CSMD3: variants seen among roughly 807,000 people sequenced by gnomAD.
The protein encoded by CSMD3 is CUB and Sushi multiple domains 3.
A neutral mutation model predicts 435.2 loss-of-function variants in CSMD3; 177 were observed. The observed-to-expected ratio is 0.41, with a 90% CI of 0.36 to 0.46. CSMD3 has a LOEUF of 0.46. Among genes scored for constraint, CSMD3 ranks in the 20% least tolerant of loss-of-function variants. The pLI is 0.34. For synonymous variants in CSMD3, 1,656 were observed against 1,520.5 expected (o/e 1.09, Z -2.07); for missense variants, 4,265 against 4,504.6 (o/e 0.95, Z 1.52).
In CSMD3 at chr8:112,451,727, G is replaced by A. The variant is rs954328661; in HGVS notation, c.5395+20864C>T. Among the ~76,000 whole-genome samples, 4 of 151,926 alleles carry A rather than the reference G, an allele frequency of 2.6e-5. No homozygotes were observed. The East Asian group carries it at 7.7e-4, about 29-fold the overall frequency. ...CTAATTTTGTACATTTAGTAGAGAC[G>A]GGTTTTCTCCACATTGGTCAGGCTG... On this transcript the variant is annotated intron_variant, in intron 32 of 70. Coordinates refer to ENST00000297405, the MANE Select transcript of CSMD3 (RefSeq NM_198123.2).
intron 27 of CSMD3, among the ~76,000 whole-genome samples, chr8:112,535,180 G>T (rs1825944467): frequency 6.6e-6 from 1 of 151,560 alleles, no homozygotes; most frequent in South Asian, 2.1e-4. Context: ...GGGCAATTAG[G>T]CAGGAGAAGG....
chr8:112,597,194 A>G (rs1231877273), intron 22 of CSMD3, among the ~76,000 whole-genome samples: 7 of 151,008 alleles, frequency 4.6e-5, no homozygotes, highest in Non-Finnish European at 7.4e-5. Context: ...TATCACCACC[A>G]ATCCCACAGA....
intron 5 of CSMD3, among the ~76,000 whole-genome samples, chr8:113,036,595 C>T (rs1469122258): frequency 6.6e-6 from 1 of 151,980 alleles, no homozygotes; most frequent in Non-Finnish European, 1.5e-5. Flanking sequence ...GATGTGGCTG[C>T]TAAATCTAGA....
intron 3 of CSMD3, among the ~76,000 whole-genome samples, chr8:113,247,448 C>T (rs542596208): frequency 4.6e-5 from 7 of 152,132 alleles, no homozygotes; most frequent in African/African-American, 1.7e-4. Context: ...TACTATAGGT[C>T]CAGAAAGTAG....
intron 22 of CSMD3, among the ~76,000 whole-genome samples, chr8:112,634,897 A>G (rs1345962088): frequency 2.0e-5 from 3 of 151,984 alleles, no homozygotes; most frequent in Non-Finnish European, 4.4e-5. Flanking sequence ...ACAGATCACT[A>G]CAAAAAAATC....
intron 31 of CSMD3, among the ~76,000 whole-genome samples, chr8:112,477,194 C>A (rs887441124): frequency 6.6e-6 from 1 of 152,078 alleles, no homozygotes; most frequent in Non-Finnish European, 1.5e-5. Context: ...TCCATATAAG[C>A]CTATTTTTTT....
At chr8:112,415,901 GCC>G (rs1326181262) in intron 32 of CSMD3, among the ~76,000 whole-genome samples, 3 of 152,182 alleles carry the variant, frequency 2.0e-5, no homozygotes, top group African/African-American at 7.2e-5. Context: ...TTTGCCAAAT[GCC>G]TGTACCCCCA....
intron 32 of CSMD3, among the ~76,000 whole-genome samples, chr8:112,425,187 T>C (rs1812940705): frequency 6.6e-6 from 1 of 152,214 alleles, no homozygotes. Flanking sequence ...TTACATACTA[T>C]GATATTCCAA....
intron 9 of CSMD3, among the ~76,000 whole-genome samples, chr8:112,925,560 A>C (rs1023569271): frequency 5.9e-5 from 9 of 151,976 alleles, no homozygotes; most frequent in Non-Finnish European, 1.2e-4. Flanking sequence ...CTCAAAAAAA[A>C]AAAATTAAAT....
At chr8:113,025,673 G>A (rs2086849746) in intron 5 of CSMD3, among the ~76,000 whole-genome samples, 1 of 152,128 alleles carries the variant, frequency 6.6e-6, no homozygotes. Flanking sequence ...GGGTTGGCAG[G>A]GGAGTGGAGC....
chr8:112,949,847 G>C (rs762569530), intron 8 of CSMD3, among the ~76,000 whole-genome samples: 3 of 151,892 alleles, frequency 2.0e-5, no homozygotes, highest in Non-Finnish European at 2.9e-5. Context: ...TCTGCAATTT[G>C]CTGAACATAC....
intron 3 of CSMD3, among the ~76,000 whole-genome samples, chr8:113,205,976 T>A (rs79433374): frequency 6.6e-6 from 1 of 152,214 alleles, no homozygotes; most frequent in Non-Finnish European, 1.5e-5. Context: ...CCACCAAATA[T>A]GGCCTGATGC....
chr8:113,188,260 A>G (rs1294767239), intron 3 of CSMD3, among the ~76,000 whole-genome samples: 1 of 151,982 alleles, frequency 6.6e-6, no homozygotes, highest in Non-Finnish European at 1.5e-5. Flanking sequence ...TGTGACCATA[A>G]TCAAGTCAGA....
At chr8:112,537,131 G>T (rs1009982805) in intron 27 of CSMD3, among the ~76,000 whole-genome samples, 2 of 151,512 alleles carry the variant, frequency 1.3e-5, no homozygotes, top group Non-Finnish European at 2.9e-5. Context: ...TAACTAACCT[G>T]CACATTGTGC....
At chr8:112,520,532 CA>C (rs1244598189) in intron 27 of CSMD3, among the ~76,000 whole-genome samples, 3 of 150,976 alleles carry the variant, frequency 2.0e-5, no homozygotes, top group South Asian at 2.1e-4. Context: ...AAGAATTGAC[CA>C]AAAAAAATTC....
intron 22 of CSMD3, among the ~76,000 whole-genome samples, chr8:112,593,999 T>C (rs1396798608): frequency 1.3e-5 from 2 of 152,090 alleles, no homozygotes; most frequent in Non-Finnish European, 2.9e-5. Flanking sequence ...GTGAAAGGAA[T>C]AGTACAGGGG....
At chr8:113,335,096 T>C (rs759316340) in intron 1 of CSMD3, among the ~76,000 whole-genome samples, 2 of 152,084 alleles carry the variant, frequency 1.3e-5, no homozygotes, top group African/African-American at 4.8e-5. Flanking sequence ...TCAAGAGATC[T>C]GATTGTTTAA....
At chr8:113,206,734 C>T (rs2092775342) in intron 3 of CSMD3, among the ~76,000 whole-genome samples, 1 of 152,082 alleles carries the variant, frequency 6.6e-6, no homozygotes, top group Non-Finnish European at 1.5e-5. Context: ...TTATAAATAT[C>T]TGGTCAAATT....
chr8:113,217,180 G>C (rs574674938), intron 3 of CSMD3, among the ~76,000 whole-genome samples: 1 of 151,486 alleles, frequency 6.6e-6, no homozygotes, highest in South Asian at 2.1e-4. Flanking sequence ...GCAGTCTGAA[G>C]AGGTGTAAAT....
Sources: allele counts gnomAD v4.1 joint callset (sites outside exome capture counted in the v4.1 genomes callset), GRCh38; gene constraint gnomAD v4.1.1; transcripts MANE v1.5; gene names NCBI Gene and HGNC (gene_info 2026-07-23, HGNC 2026-07-21).